TBC1D2B: variants seen among roughly 807,000 people sequenced by gnomAD.
The protein encoded by TBC1D2B is TBC1 domain family, member 2B.
Under a neutral mutation model 100.8 loss-of-function variants are expected in TBC1D2B, and 64 were observed. That is an observed-to-expected ratio of 0.64 (90% CI 0.52 to 0.78). TBC1D2B has a LOEUF of 0.78. Among genes scored for constraint, TBC1D2B ranks in the 30% least tolerant of loss-of-function variants. The pLI is 0.00. For synonymous variants in TBC1D2B, 480 were observed against 479.7 expected, an observed-to-expected ratio of 1.00 and a Z score of -0.01; for missense variants, 1,052 against 1,218.4, an observed-to-expected ratio of 0.86 and a Z score of 2.03.
chr15:77,997,813 C>T lies in TBC1D2B; in HGVS notation c.*347G>A, dbSNP rs1457062089. 2.0e-5 allele frequency: 4 copies of T among 197,290 alleles called. No individual in the cohort carries two copies. The South Asian group carries it at 3.6e-4, about 18-fold the overall frequency. 12.2% of individuals were successfully genotyped at this position (197,290 alleles called of 1,614,324 possible). ...ACAGGAGAGAGAATATGGGGAGATG[C>T]CCAGCAAAGCAAGGTTTCAGAGGGT... On this transcript the variant is annotated 3_prime_UTR_variant, in exon 13 of 13. Transcript: ENST00000300584.
At chr15:78,052,588 T>A (rs1596325627) in intron 2 of TBC1D2B, among the ~76,000 whole-genome samples, 1 of 152,324 alleles carries the variant, frequency 6.6e-6, no homozygotes, top group South Asian at 2.1e-4. Flanking sequence ...AGGACAGCTG[T>A]TATAAAGAGA....
At chr15:78,024,008 G>C (rs568674337) in intron 6 of TBC1D2B, 148 bp downstream of exon 6, 1 of 1,003,924 alleles carries the variant, frequency 1.0e-6, no homozygotes, top group African/African-American at 1.6e-5. Flanking sequence ...ATGATTATTT[G>C]ATGGTAAGTC....
Position 78,024,529 on chromosome 15 carries a change from C to T in TBC1D2B, c.1097G>A (p.Arg366Gln), listed in dbSNP as rs201555902. The change falls in exon 6 of 13, where the codon CGA becomes CAA. Residue 366 changes from arginine to glutamine, a missense_variant. Around this residue, in one of 4 missense-constraint regions of TBC1D2B, gnomAD observed 627 missense variants for 646.1 expected, o/e 0.97. Transcript: ENST00000300584. ...KDLSSQKELV[R>Q]LLQQTVRSSQ... is the part of the protein sequence containing the mutation. ...TGACCGGACTGTCTGCTGGAGCAGTCGAACAAGCTCCTGGGAGCCAAAAGG... is the reference window on the plus strand; with the variant it reads ...TGACCGGACTGTCTGCTGGAGCAGTTGAACAAGCTCCTGGGAGCCAAAAGG... 2.5e-5 allele frequency: 41 copies of T among 1,608,186 alleles called. No individual in the cohort carries two copies. The highest frequency in any genetic ancestry group is 3.1e-5 in the Non-Finnish European group (37 of 1,176,074).
rs2071762199 is a variant in TBC1D2B, at chr15:77,996,475, CA to C, written c.*1684del. Reference sequence around the variant, plus strand: ...TTCGAGCAGACTGCAACGCCCAGCTCACAGGACAACTGAAGGAGTCAGACCT... The same window carrying C: ...TTCGAGCAGACTGCAACGCCCAGCTCCAGGACAACTGAAGGAGTCAGACCT... On this transcript the variant is annotated 3_prime_UTR_variant, in exon 13 of 13. Transcript: ENST00000300584. 6.6e-6 allele frequency: 1 copy of C among 152,218 alleles called. No homozygotes were observed. The highest frequency in any genetic ancestry group is 1.5e-5 in the Non-Finnish European group (1 of 68,052). The allele number at this position is 152,218 out of a possible 1,614,324, so 9.4% of individuals were successfully genotyped here.
chr15:78,036,856 G>A (rs1437802110), intron 3 of TBC1D2B, among the ~76,000 whole-genome samples: 3 of 152,188 alleles, frequency 2.0e-5, no homozygotes, highest in African/African-American at 7.2e-5. Flanking sequence ...TGTGGTCCAG[G>A]CTTCAGCTGG....
intron 6 of TBC1D2B, among the ~76,000 whole-genome samples, chr15:78,020,846 AAGG>A (rs2072498904): frequency 6.6e-6 from 1 of 152,230 alleles, no homozygotes. Context: ...GAGCTGGAAG[AAGG>A]AGAAGCTGTA....
intron 2 of TBC1D2B, among the ~76,000 whole-genome samples, chr15:78,050,140 T>C (rs1464092831): frequency 6.6e-6 from 1 of 152,170 alleles, no homozygotes; most frequent in Non-Finnish European, 1.5e-5. Flanking sequence ...CTCTACACCC[T>C]GCATCCTGCA....
chr15:78,029,675 C>T (rs1216936985), intron 4 of TBC1D2B, among the ~76,000 whole-genome samples: 1 of 152,172 alleles, frequency 6.6e-6, no homozygotes, highest in African/African-American at 2.4e-5. Flanking sequence ...GATGTGTGTA[C>T]ACCAGAATTC....
chr15:78,008,969 G>T, intron 10 of TBC1D2B, 28 bp downstream of exon 10: 1 of 1,482,208 alleles, frequency 6.7e-7, no homozygotes, highest in South Asian at 1.2e-5. Flanking sequence ...TAAAAGTGGT[G>T]ACTAAAACAC....
At chr15:78,031,798 G>GA (rs1422621987) in intron 3 of TBC1D2B, among the ~76,000 whole-genome samples, 6 of 150,948 alleles carry the variant, frequency 4.0e-5, no homozygotes, top group Admixed American at 2.0e-4. Flanking sequence ...CTAAAGAACT[G>GA]AAAAAAAAAT....
At chr15:78,040,240 T>C (rs373907356) in intron 3 of TBC1D2B, among the ~76,000 whole-genome samples, 2 of 152,234 alleles carry the variant, frequency 1.3e-5, no homozygotes, top group African/African-American at 2.4e-5. Context: ...CTGGTGTGAT[T>C]TGGACTGTTG....
intron 2 of TBC1D2B, among the ~76,000 whole-genome samples, chr15:78,046,905 C>T (rs1238219269): frequency 2.6e-5 from 4 of 152,200 alleles, no homozygotes; most frequent in African/African-American, 9.7e-5. Flanking sequence ...TGGAGAGCAA[C>T]GTCCTGAATG....
At chr15:78,035,607 T>G (rs561333397) in intron 3 of TBC1D2B, among the ~76,000 whole-genome samples, 1 of 151,756 alleles carries the variant, frequency 6.6e-6, no homozygotes, top group African/African-American at 2.4e-5. Flanking sequence ...AGGGAGGAGG[T>G]TGTGTGGGGG....
At chr15:78,038,030 T>A (rs2072989493) in intron 3 of TBC1D2B, among the ~76,000 whole-genome samples, 1 of 151,966 alleles carries the variant, frequency 6.6e-6, no homozygotes, top group African/African-American at 2.4e-5. Flanking sequence ...CAGGTGGGTG[T>A]GGGCAGACCC....
intron 3 of TBC1D2B, among the ~76,000 whole-genome samples, chr15:78,041,840 C>T (rs1258274598): frequency 6.6e-6 from 1 of 152,250 alleles, no homozygotes; most frequent in African/African-American, 2.4e-5. Flanking sequence ...ACAGCAACAA[C>T]TAACACTCGC....
At chr15:78,045,145 T>C in intron 2 of TBC1D2B, 77 bp from the exon 3 acceptor site, 2 of 1,301,522 alleles carry the variant, frequency 1.5e-6, no homozygotes, top group South Asian at 1.4e-5. Context: ...AAACACTGAC[T>C]TGACATACTA....
chr15:78,016,720 T>C lies in TBC1D2B; in HGVS notation c.1601A>G (p.Lys534Arg). Residue 534 changes from lysine (K) to arginine (R), a missense_variant, in exon 8 of 13, where the codon AAG (lysine) becomes AGG (arginine). By Grantham distance (26) the Lys-to-Arg change is conservative (BLOSUM62 2). Around this residue, in one of 4 missense-constraint regions of TBC1D2B, gnomAD observed 373 missense variants for 464.9 expected, o/e 0.80. Transcript: ENST00000300584. ...LMAKYSSLEA[K>R]LCQIESKYLI... The stretch of plus-strand genomic sequence containing the variant: ...GTATTTACTTTCTATCTGGCAGAGC[T>C]TGGCTTCCAGGCTAGAATACTGCAG... 1 of 1,565,094 alleles carries C rather than the reference T, an allele frequency of 6.4e-7. No individual in the cohort carries two copies. Among genetic ancestry groups the C allele is most frequent in the Non-Finnish European group, 8.6e-7 (1 of 1,157,368 alleles).
rs1240877107 is a variant in TBC1D2B, at chr15:78,077,332, G to C, written c.321C>G (p.His107Gln). Residue 107 changes from histidine (H) to glutamine (Q), a missense_variant, in exon 1 of 13, where the codon CAC (histidine) becomes CAG (glutamine). Physicochemically the swap from His to Gln is conservative, Grantham distance 24. Transcript: ENST00000300584. ...CGGCTCCCGCGCTGTGCACCTGGAA[G>C]TGCGCGGGCGGCTCCGTGCCCGGCT... Reference protein sequence around the residue: ...AAEPGTEPPAHFQVHSAGAVT... With the variant: ...AAEPGTEPPAQFQVHSAGAVT... 6.5e-7 allele frequency: 1 copy of C among 1,536,804 alleles called. No individual in the cohort carries two copies. The highest frequency in any genetic ancestry group is 8.8e-7 in the Non-Finnish European group (1 of 1,142,312).
At chr15:78,040,604 G>A (rs2073051773) in intron 3 of TBC1D2B, among the ~76,000 whole-genome samples, 1 of 27,142 alleles carries the variant, frequency 3.7e-5, no homozygotes, top group South Asian at 6.2e-4. Flanking sequence ...AAGAGAGAAA[G>A]TGAGAGAGAA....
Sources: gnomAD v4.1 joint callset for allele counts (sites outside exome capture counted in the v4.1 genomes callset) on GRCh38, gnomAD v4.1.1 for gene constraint, gnomAD v4.1.1 regional missense constraint, MANE v1.5 for transcripts, NCBI Gene and HGNC (gene_info 2026-07-23, HGNC 2026-07-21) for gene names.